The following MED13L variants were observed in gnomAD, a reference collection of about 807,000 sequenced individuals.
MED13L encodes mediator of RNA polymerase II transcription subunit 13-like.
In MED13L, 7 loss-of-function variants were observed where a neutral mutation model predicts 220.9. The observed-to-expected ratio is 0.03, with a 90% CI of 0.02 to 0.06. The LOEUF (loss-of-function observed/expected upper bound fraction) is 0.06. Ranked by LOEUF, MED13L falls within the 10% of genes least tolerant of loss-of-function variation. The pLI, the probability that MED13L is intolerant of heterozygous loss-of-function variation, is 1.00. For missense variants in MED13L, 1,965 were observed against 2,760.5 expected (o/e 0.71, Z 6.46); for synonymous variants, 1,011 against 1,015.2 (o/e 1.00, Z 0.08).
intron 2 of MED13L, among the ~76,000 whole-genome samples, chr12:116,170,371 T>A (rs1383685072): frequency 6.6e-6 from 1 of 152,078 alleles, no homozygotes; most frequent in African/African-American, 2.4e-5. Flanking sequence ...TTGGAGAAAA[T>A]ACCTACCAAA....
chr12:116,142,847 T>A (rs985525331), intron 2 of MED13L, among the ~76,000 whole-genome samples: 3 of 152,224 alleles, frequency 2.0e-5, no homozygotes, highest in Non-Finnish European at 4.4e-5. Context: ...CATTATAATA[T>A]GATGGAATTA....
intron 1 of MED13L, among the ~76,000 whole-genome samples, chr12:116,270,821 T>A (rs1217228742): frequency 6.6e-6 from 1 of 151,256 alleles, no homozygotes; most frequent in Non-Finnish European, 1.5e-5. Context: ...GGCGGGCGGA[T>A]CACAAGGTCA....
chr12:115,986,173 A>G, intron 19 of MED13L, 93 bp downstream of exon 19: 1 of 1,330,436 alleles, frequency 7.5e-7, no homozygotes, highest in Non-Finnish European at 1.1e-6. Flanking sequence ...TCTGAGATTT[A>G]CTTTCAAGAC....
chr12:116,019,423 A>G lies in MED13L; in HGVS notation c.821-11T>C. ...CCATCCGAACACCACCTATAAGCAA[A>G]GAGAACAAGGAAAGAATCAGGACTG... On this transcript the variant is annotated splice_polypyrimidine_tract_variant and intron_variant, in intron 6 of 30. Transcript: ENST00000281928. 1 of 1,613,262 alleles carries G rather than the reference A, an allele frequency of 6.2e-7. No homozygotes were observed. The highest frequency in any genetic ancestry group is 8.5e-7 in the Non-Finnish European group (1 of 1,179,282).
At chr12:116,063,745 ATACT>A (rs919823401) in intron 4 of MED13L, among the ~76,000 whole-genome samples, 2 of 152,132 alleles carry the variant, frequency 1.3e-5, no homozygotes, top group African/African-American at 4.8e-5. Flanking sequence ...AATTTTTCTA[ATACT>A]TAGTATCATT....
chr12:116,026,977 C>G (rs1203712145), intron 4 of MED13L, among the ~76,000 whole-genome samples: 1 of 151,944 alleles, frequency 6.6e-6, no homozygotes, highest in African/African-American at 2.4e-5. Flanking sequence ...CCAACAAGGA[C>G]TATTATGAGA....
In MED13L at chr12:115,968,995, G is replaced by T; in HGVS notation, c.6170C>A (p.Pro2057His). ...LHSSPNSSPV[P>H]SPGSPSGIGV... The stretch of plus-strand genomic sequence containing the variant: ...AATTCCAGAAGGAGAGCCTGGGGAG[G>T]GTACTGGGGAAGAGTTGGGAGAGGA... The change falls in exon 28 of 31, where the codon CCC becomes CAC. Residue 2057 changes from proline (P) to histidine (H), a missense_variant. Coordinates refer to ENST00000281928, the MANE Select transcript of MED13L (RefSeq NM_015335.5). 1 of 1,614,120 alleles carries T rather than the reference G, an allele frequency of 6.2e-7. No homozygotes were observed. The highest frequency in any genetic ancestry group is 8.5e-7 in the Non-Finnish European group (1 of 1,180,016).
At chr12:116,010,962 C>T (rs940482001) in intron 9 of MED13L, among the ~76,000 whole-genome samples, 13 of 151,444 alleles carry the variant, frequency 8.6e-5, no homozygotes, top group Non-Finnish European at 1.6e-4. Context: ...CTGCAACCTC[C>T]GCCTCCCGGG....
intron 4 of MED13L, among the ~76,000 whole-genome samples, chr12:116,070,128 T>TA (rs1247596348): frequency 6.6e-6 from 1 of 152,134 alleles, no homozygotes; most frequent in East Asian, 1.9e-4. Context: ...CTAAAATAGA[T>TA]AAAGTAGCTG....
chr12:116,275,815 A>AG (rs1873770298), intron 1 of MED13L, among the ~76,000 whole-genome samples: 1 of 152,250 alleles, frequency 6.6e-6, no homozygotes, highest in African/African-American at 2.4e-5. Context: ...TAAACCGTTC[A>AG]GCCAATTTTC....
intron 2 of MED13L, among the ~76,000 whole-genome samples, chr12:116,148,074 A>AAAAAAAAAAAAAAAAAAAAGAAG (rs1377801971): frequency 1.0e-5 from 1 of 98,312 alleles, no homozygotes; most frequent in African/African-American, 3.9e-5. Context: ...AAAAAAAAAA[A>AAAAAAAAAAAAAAAAAAAAGAAG]GAGGGGGGCG....
rs562273411 is a variant in MED13L at position 116,258,882 on chromosome 12, C to T, written c.72+18178G>A. The stretch of plus-strand genomic sequence containing the variant: ...AGATGAAAAGATGCTCATAATCTCA[C>T]GAGAAATCCAAAAATTGAAAATTTA... On this transcript the variant is annotated intron_variant, in intron 1 of 30. Coordinates refer to ENST00000281928, the MANE Select transcript of MED13L (RefSeq NM_015335.5). 3.5e-5 allele frequency among the ~76,000 whole-genome samples: 5 copies of T among 144,884 alleles called. No individual in the cohort carries two copies. In the East Asian group the frequency reaches 5.9e-4, roughly 17 times the overall value.
chr12:116,250,691 C>T (rs1199586085), intron 1 of MED13L, among the ~76,000 whole-genome samples: 1 of 148,040 alleles, frequency 6.8e-6, no homozygotes, highest in Non-Finnish European at 1.5e-5. Flanking sequence ...GCAGAAGAAT[C>T]GCTTGAACCC....
chr12:116,075,931 T>G (rs139904533), intron 4 of MED13L, among the ~76,000 whole-genome samples: 1 of 144,360 alleles, frequency 6.9e-6, no homozygotes, highest in East Asian at 2.0e-4. Context: ...TTTTTTTTTT[T>G]GAGACGGAGT....
rs1421580009 is a variant in MED13L, at chr12:115,959,152, AT to A, written c.*2113del. On this transcript the variant is annotated 3_prime_UTR_variant, in exon 31 of 31. Transcript: ENST00000281928. ...TTTTCACACAGAAGTACATAATAAG[AT>A]TTTTTAAAATCTATTGCCATTCATT... is the stretch of plus-strand genomic sequence containing the variant. 1.3e-5 allele frequency: 2 copies of A among 152,586 alleles called. No individual in the cohort carries two copies. Among genetic ancestry groups the A allele is most frequent in the Non-Finnish European group, 2.9e-5 (2 of 68,030 alleles). The allele number at this position is 152,586 out of a possible 1,614,324, so 9.5% of individuals were successfully genotyped here. A position where few individuals can be genotyped will look rare whatever the true frequency, so the allele number is the denominator to read the frequency against.
In MED13L at chr12:116,124,152, C is replaced by CAGAGACAGAGACAGAG. The variant is rs1875364184; in HGVS notation, c.311-12641_311-12640insCTCTGTCTCTGTCTCT. On this transcript the variant is annotated intron_variant, in intron 2 of 30. Coordinates refer to ENST00000281928, the MANE Select transcript of MED13L (RefSeq NM_015335.5). ...AGAGAGAGAGAGAGAGAGAGAGAGA[C>CAGAGACAGAGACAGAG]AGAGACAGAGAGAGACAGAGAGAGA... is the stretch of plus-strand genomic sequence containing the variant. Among the ~76,000 whole-genome samples, 707 of 108,708 alleles carry CAGAGACAGAGACAGAG rather than the reference C, an allele frequency of 6.5e-3. 2 individuals are homozygous for CAGAGACAGAGACAGAG. The highest frequency in any genetic ancestry group is 0.019 in the African/African-American group (624 of 32,470). 71.3% of individuals were successfully genotyped at this position (108,708 alleles called of 152,430 possible).
intron 2 of MED13L, chr12:116,148,602 G>A (rs887845863): frequency 5.4e-6 from 1 of 185,252 alleles, no homozygotes; most frequent in African/African-American, 4.2e-5. Flanking sequence ...CATATATATG[G>A]AGATATCTAT....
chr12:116,007,752 A>G, intron 10 of MED13L, 116 bp from the exon 11 acceptor site: 2 of 829,422 alleles, frequency 2.4e-6, no homozygotes, highest in Non-Finnish European at 3.9e-6. Flanking sequence ...TTGCTTTTAC[A>G]GTTTATATTC....
intron 2 of MED13L, among the ~76,000 whole-genome samples, chr12:116,202,334 T>C (rs1318680379): frequency 5.9e-5 from 9 of 152,204 alleles, no homozygotes; most frequent in Non-Finnish European, 1.3e-4. Flanking sequence ...AGCTCAATAA[T>C]GATTTTGGCA....
Sources: gnomAD v4.1 joint callset for allele counts (sites outside exome capture counted in the v4.1 genomes callset) on GRCh38, gnomAD v4.1.1 for gene constraint, MANE v1.5 for transcripts, NCBI Gene and HGNC (gene_info 2026-07-23, HGNC 2026-07-21) for gene names.